Variants in CDH12 observed in about 807,000 individuals in gnomAD.
CDH12 encodes the protein cadherin 12, also known as cadherin-12.
In CDH12, 41 loss-of-function variants were observed where a neutral mutation model predicts 74.1. That is an observed-to-expected ratio of 0.55 (90% CI 0.43 to 0.72). The LOEUF is 0.72. Ranked by LOEUF, CDH12 falls within the 30% of genes least tolerant of loss-of-function variation. The pLI is 0.00. For synonymous variants in CDH12, 399 were observed against 355.0 expected, an observed-to-expected ratio of 1.12 and a Z score of -1.39; for missense variants, 945 against 977.2, an observed-to-expected ratio of 0.97 and a Z score of 0.44.
At chr5:21,951,598 T>A (rs1755865069) in intron 6 of CDH12, among the ~76,000 whole-genome samples, 1 of 152,250 alleles carries the variant, frequency 6.6e-6, no homozygotes, top group South Asian at 2.1e-4. Flanking sequence ...GAAATGACTT[T>A]ATAATTTCAC....
At chr5:21,855,783 A>T (rs1184862439) in intron 6 of CDH12, among the ~76,000 whole-genome samples, 1 of 151,536 alleles carries the variant, frequency 6.6e-6, no homozygotes, top group African/African-American at 2.4e-5. Flanking sequence ...TCATTCCATT[A>T]CTCATTCAGC....
At chr5:22,024,074 A>G (rs1394010456) in intron 5 of CDH12, among the ~76,000 whole-genome samples, 1 of 152,158 alleles carries the variant, frequency 6.6e-6, no homozygotes, top group Non-Finnish European at 1.5e-5. Flanking sequence ...AGGTGATTTG[A>G]GTATTGAGGT....
chr5:21,974,614 T>C (rs990401362), intron 6 of CDH12, among the ~76,000 whole-genome samples: 1 of 152,146 alleles, frequency 6.6e-6, no homozygotes, highest in Non-Finnish European at 1.5e-5. Flanking sequence ...GGAAACAGTA[T>C]TACCCTTCCA....
intron 5 of CDH12, among the ~76,000 whole-genome samples, chr5:22,071,200 C>CT: frequency 6.6e-6 from 1 of 151,892 alleles, no homozygotes; most frequent in Admixed American, 6.6e-5. Flanking sequence ...ATAATATTTT[C>CT]TTTTTTTCTA....
intron 3 of CDH12, among the ~76,000 whole-genome samples, chr5:22,369,043 C>T (rs998961937): frequency 1.3e-5 from 2 of 151,966 alleles, no homozygotes; most frequent in African/African-American, 4.8e-5. Context: ...GCAGGAGAAT[C>T]GCTTGAACCC....
chr5:22,251,434 T>A (rs889328394), intron 3 of CDH12, among the ~76,000 whole-genome samples: 1 of 152,198 alleles, frequency 6.6e-6, no homozygotes, highest in Admixed American at 6.6e-5. Flanking sequence ...CTGGAATTAA[T>A]CTGAATCTTG....
chr5:22,354,144 A>G (rs1740466356), intron 3 of CDH12, among the ~76,000 whole-genome samples: 1 of 152,190 alleles, frequency 6.6e-6, no homozygotes, highest in South Asian at 2.1e-4. Flanking sequence ...CAAATTATCG[A>G]AGGCAAAAAG....
chr5:22,206,937 G>A (rs996272857), intron 4 of CDH12, among the ~76,000 whole-genome samples: 33 of 150,928 alleles, frequency 2.2e-4, no homozygotes, highest in African/African-American at 7.1e-4. Context: ...ACCACGGTCC[G>A]GCGTATTGGC....
At chr5:21,777,310 T>G (rs1344457482) in intron 11 of CDH12, among the ~76,000 whole-genome samples, 1 of 151,968 alleles carries the variant, frequency 6.6e-6, no homozygotes, top group Non-Finnish European at 1.5e-5. Context: ...CACACACATA[T>G]TTTTCTATTC....
intron 1 of CDH12, among the ~76,000 whole-genome samples, chr5:22,604,393 C>G (rs1736996414): frequency 6.6e-6 from 1 of 152,170 alleles, no homozygotes; most frequent in African/African-American, 2.4e-5. Flanking sequence ...AAACAGTAAA[C>G]TGTCCCAAGC....
At chr5:22,585,620 C>T (rs574734259) in intron 1 of CDH12, among the ~76,000 whole-genome samples, 1 of 152,112 alleles carries the variant, frequency 6.6e-6, no homozygotes, top group South Asian at 2.1e-4. Context: ...TCTCTGTGTT[C>T]ATTTTTGATA....
chr5:22,068,082 A>G (rs1433790452), intron 5 of CDH12, among the ~76,000 whole-genome samples: 1 of 152,158 alleles, frequency 6.6e-6, no homozygotes. Context: ...CCAACTTCCT[A>G]TGTGATCTGA....
At chr5:22,032,153 C>CAT (rs200716986) in intron 5 of CDH12, among the ~76,000 whole-genome samples, 4,090 of 151,854 alleles carry the variant, frequency 0.027, 182 homozygotes, top group African/African-American at 0.093. Context: ...ATATATATGA[C>CAT]ATGCCTGTCA....
At position 21,973,047 on chromosome 5, in the gene CDH12, T is replaced by TAAA. The variant is rs746404771; in HGVS notation, c.526+2041_526+2043dup. On this transcript the variant is annotated intron_variant, in intron 6 of 14. Coordinates refer to ENST00000382254, the MANE Select transcript of CDH12 (RefSeq NM_004061.5). ...AGCTAGATCCCTTCTCTACAAAAAG[T>TAAA]AAAAAAAAAAAAAAAAAAATAGCTA... Among the ~76,000 whole-genome samples, 358 of 103,612 alleles carry TAAA rather than the reference T, an allele frequency of 3.5e-3. 3 individuals carry two copies. The highest frequency in any genetic ancestry group is 0.011 in the African/African-American group (326 of 30,550). 68.0% of individuals were successfully genotyped at this position (103,612 alleles called of 152,430 possible). A position where few individuals can be genotyped will look rare whatever the true frequency, so the allele number is the denominator to read the frequency against.
chr5:22,249,170 A>G (rs1187637449), intron 3 of CDH12, among the ~76,000 whole-genome samples: 1 of 152,172 alleles, frequency 6.6e-6, no homozygotes, highest in Admixed American at 6.5e-5. Flanking sequence ...GTATCACTGG[A>G]CCATAGTGTC....
At chr5:22,444,143 TTAAA>T (rs1744730198) in intron 2 of CDH12, among the ~76,000 whole-genome samples, 1 of 152,014 alleles carries the variant, frequency 6.6e-6, no homozygotes, top group South Asian at 2.1e-4. Context: ...AAACATACAA[TTAAA>T]TAAATCCATT....
chr5:22,339,160 T>G (rs1321890489), intron 3 of CDH12, among the ~76,000 whole-genome samples: 2 of 152,114 alleles, frequency 1.3e-5, no homozygotes, highest in African/African-American at 4.8e-5. Context: ...GCCAGTAAAT[T>G]TGTAGTAAAC....
At chr5:21,862,418 G>C (rs990319868) in intron 6 of CDH12, among the ~76,000 whole-genome samples, 4 of 151,976 alleles carry the variant, frequency 2.6e-5, no homozygotes, top group Non-Finnish European at 5.9e-5. Flanking sequence ...ATTCTTATTG[G>C]TACTTAAAGA....
chr5:22,776,383 G>T (rs529452995), intron 1 of CDH12, among the ~76,000 whole-genome samples: 1 of 152,216 alleles, frequency 6.6e-6, no homozygotes, highest in Admixed American at 6.6e-5. Flanking sequence ...TTAAATAAAT[G>T]ATCCCTGTCC....
Sources: allele counts gnomAD v4.1 joint callset (sites outside exome capture counted in the v4.1 genomes callset), GRCh38; gene constraint gnomAD v4.1.1; transcripts MANE v1.5; gene names NCBI Gene and HGNC (gene_info 2026-07-23, HGNC 2026-07-21).